Variants in EFNA5 observed in about 807,000 individuals in gnomAD.
EFNA5 encodes ephrin A5.
In EFNA5, 5 loss-of-function variants were observed where a neutral mutation model predicts 22.9. That is an observed-to-expected ratio of 0.22 (90% CI 0.11 to 0.46). The LOEUF (loss-of-function observed/expected upper bound fraction) is 0.46. EFNA5 is among the 20% of genes least tolerant of loss of function. EFNA5 has a pLI of 0.99. For missense variants in EFNA5, 237 were observed against 293.3 expected, an observed-to-expected ratio of 0.81 and a Z score of 1.40; for synonymous variants, 113 against 112.2, an observed-to-expected ratio of 1.01 and a Z score of -0.04.
intron 1 of EFNA5, among the ~76,000 whole-genome samples, chr5:107,477,973 T>C (rs1750356878): frequency 6.6e-6 from 1 of 152,136 alleles, no homozygotes; most frequent in South Asian, 2.1e-4. Flanking sequence ...GCAGTGGGAT[T>C]TCTGGCCATT....
At chr5:107,430,607 T>C (rs115346457) in intron 1 of EFNA5, among the ~76,000 whole-genome samples, 377 of 152,226 alleles carry the variant, frequency 2.5e-3, no homozygotes, top group African/African-American at 8.2e-3. Context: ...CCTGTTAATG[T>C]TGCTAAATTT....
Position 107,515,527 on chromosome 5 carries a change from C to T in EFNA5, c.126-88018G>A, listed in dbSNP as rs139111251. On this transcript the variant is annotated intron_variant, in intron 1 of 4. Transcript: ENST00000333274. The stretch of plus-strand genomic sequence containing the variant: ...CCTAGTAGCTGGGACTACAGGCATG[C>T]GCCACCACACCAGGCTAATTTTGTG... Among the ~76,000 whole-genome samples the T allele has an allele frequency of 9.9e-3, 1,499 of 150,894 alleles. 26 individuals are homozygous for T. Among genetic ancestry groups the T allele is most frequent in the African/African-American group, 0.034 (1,408 of 41,096 alleles).
chr5:107,634,510 C>T lies in EFNA5; in HGVS notation c.125+35979G>A, dbSNP rs1335614766. On this transcript the variant is annotated intron_variant, in intron 1 of 4. Transcript: ENST00000333274. ...TAGCCTGGACAACAAATGAGATCCT[C>T]TCACAAAAAAAGAAGAAAGTTCACA... Among the ~76,000 whole-genome samples the T allele has an allele frequency of 1.8e-5, 2 of 112,852 alleles. 1 individual carries two copies. Among genetic ancestry groups the T allele is most frequent in the Non-Finnish European group, 4.4e-5 (2 of 45,772 alleles). The allele number at this position is 112,852 out of a possible 152,430, so 74.0% of individuals were successfully genotyped here.
At chr5:107,415,603 G>A (rs571709673) in intron 2 of EFNA5, among the ~76,000 whole-genome samples, 5 of 152,284 alleles carry the variant, frequency 3.3e-5, no homozygotes, top group African/African-American at 9.6e-5. Context: ...ATGAACCAGT[G>A]CCAAGATCCC....
At chr5:107,485,633 C>T (rs184602235) in intron 1 of EFNA5, among the ~76,000 whole-genome samples, 1 of 152,292 alleles carries the variant, frequency 6.6e-6, no homozygotes, top group Non-Finnish European at 1.5e-5. Flanking sequence ...GAGATACTCA[C>T]TTATTCTGTC....
intron 1 of EFNA5, among the ~76,000 whole-genome samples, chr5:107,558,506 T>C (rs1010508940): frequency 9.9e-5 from 15 of 152,212 alleles, no homozygotes; most frequent in African/African-American, 3.1e-4. Context: ...TTCCAAAACT[T>C]CTATGAGAGT....
intron 1 of EFNA5, among the ~76,000 whole-genome samples, chr5:107,587,210 G>A (rs17160220): frequency 0.015 from 2,246 of 152,176 alleles, 49 homozygotes; most frequent in African/African-American, 0.052. Flanking sequence ...CATGCTTAAC[G>A]AATCATGCCA....
chr5:107,491,104 G>A (rs548493282), intron 1 of EFNA5, among the ~76,000 whole-genome samples: 50 of 152,290 alleles, frequency 3.3e-4, no homozygotes, highest in South Asian at 1.2e-3. Context: ...TCAGAATTCC[G>A]TAATAAAATG....
rs1181529608 is a variant in EFNA5 at position 107,379,202 on chromosome 5, C to T, written c.*2053G>A. The T allele has an allele frequency of 6.6e-6, 1 of 152,108 alleles. No homozygotes were observed. Among genetic ancestry groups the T allele is most frequent in the African/African-American group, 2.4e-5 (1 of 41,420 alleles). The allele number at this position is 152,108 out of a possible 1,614,324, so 9.4% of individuals were successfully genotyped here. A position where few individuals can be genotyped will look rare whatever the true frequency, so the allele number is the denominator to read the frequency against. Reference sequence around the variant, plus strand: ...GGCTGGCAACCCCACACACATGGTTCCATGTGAGAACAGACTCGGCAGTGA... The same window carrying T: ...GGCTGGCAACCCCACACACATGGTTTCATGTGAGAACAGACTCGGCAGTGA... On this transcript the variant is annotated 3_prime_UTR_variant, in exon 5 of 5. Transcript: ENST00000333274.
Position 107,613,133 on chromosome 5 carries a change from T to A in EFNA5, c.125+57356A>T, listed in dbSNP as rs17160247. The stretch of plus-strand genomic sequence containing the variant: ...GATGAAGGAAAACCTTGGGAAAGGC[T>A]GTGATTTTGTACATTTTATTAACCA... On this transcript the variant is annotated intron_variant, in intron 1 of 4. Transcript: ENST00000333274. 1.1e-3 allele frequency among the ~76,000 whole-genome samples: 160 copies of A among 152,196 alleles called. 1 individual carries two copies. The highest frequency in any genetic ancestry group is 3.7e-3 in the African/African-American group (155 of 41,552).
intron 1 of EFNA5, among the ~76,000 whole-genome samples, chr5:107,518,178 A>G (rs1747521587): frequency 6.6e-6 from 1 of 152,176 alleles, no homozygotes; most frequent in South Asian, 2.1e-4. Context: ...TAGAAAATAA[A>G]AGGGTTTCCT....
At chr5:107,562,905 A>T (rs774611942) in intron 1 of EFNA5, among the ~76,000 whole-genome samples, 1 of 152,228 alleles carries the variant, frequency 6.6e-6, no homozygotes, top group Non-Finnish European at 1.5e-5. Context: ...ATAATGTAAT[A>T]TTTATATTGG....
intron 2 of EFNA5, among the ~76,000 whole-genome samples, chr5:107,391,873 T>C (rs1412579934): frequency 1.3e-5 from 2 of 152,204 alleles, no homozygotes; most frequent in Non-Finnish European, 2.9e-5. Flanking sequence ...AGTACTCTGC[T>C]AATAAGGCCA....
At chr5:107,429,425 G>A (rs1172968575) in intron 1 of EFNA5, among the ~76,000 whole-genome samples, 1 of 152,218 alleles carries the variant, frequency 6.6e-6, no homozygotes, top group East Asian at 1.9e-4. Flanking sequence ...CAGCCTGGGT[G>A]ACAGAGTGAG....
chr5:107,499,950 A>C (rs192783347), intron 1 of EFNA5, among the ~76,000 whole-genome samples: 88 of 152,338 alleles, frequency 5.8e-4, no homozygotes, highest in Non-Finnish European at 1.1e-3. Context: ...CCCATGGGTC[A>C]CAGTCTCAGT....
intron 1 of EFNA5, among the ~76,000 whole-genome samples, chr5:107,531,521 T>A (rs1441267338): frequency 6.6e-6 from 1 of 152,192 alleles, no homozygotes; most frequent in African/African-American, 2.4e-5. Flanking sequence ...AGGGCTGTCA[T>A]GCAGAATAGA....
chr5:107,590,070 G>A (rs1017210690), intron 1 of EFNA5, among the ~76,000 whole-genome samples: 1 of 147,578 alleles, frequency 6.8e-6, no homozygotes, highest in African/African-American at 2.5e-5. Context: ...ACGGTGATTT[G>A]GATAGACAAA....
rs1012128951 is a variant in EFNA5 at position 107,572,243 on chromosome 5, C to T, written c.125+98246G>A. Reference sequence around the variant, plus strand: ...CGCCTCTTGGTCCTGCGCCAGACAGCCCTCGGAGCTCTCTGGTTTAGACCG... The same window carrying T: ...CGCCTCTTGGTCCTGCGCCAGACAGTCCTCGGAGCTCTCTGGTTTAGACCG... On this transcript the variant is annotated intron_variant, in intron 1 of 4. Coordinates refer to ENST00000333274, the MANE Select transcript of EFNA5 (RefSeq NM_001962.3). Among the ~76,000 whole-genome samples the T allele has an allele frequency of 1.3e-4, 19 of 151,894 alleles. 1 individual carries two copies.
At chr5:107,636,532 T>A (rs1314510353) in intron 1 of EFNA5, among the ~76,000 whole-genome samples, 1 of 152,224 alleles carries the variant, frequency 6.6e-6, no homozygotes, top group Non-Finnish European at 1.5e-5. Flanking sequence ...CTCAAGCTAT[T>A]AATGAAACAG....
Sources: allele counts gnomAD v4.1 joint callset (sites outside exome capture counted in the v4.1 genomes callset), GRCh38; gene constraint gnomAD v4.1.1; transcripts MANE v1.5; gene names NCBI Gene and HGNC (gene_info 2026-07-23, HGNC 2026-07-21).